Variants in CCDC3 observed in about 807,000 individuals in gnomAD.
CCDC3 encodes coiled-coil domain-containing protein 3.
In CCDC3, 24 loss-of-function variants were observed where a neutral mutation model predicts 21.4. The observed-to-expected ratio is 1.12, with a 90% CI of 0.81 to 1.58. The LOEUF is 1.58. Among genes scored for constraint, CCDC3 ranks in the 40% most tolerant of loss-of-function variants. The pLI, the probability that CCDC3 is intolerant of heterozygous loss-of-function variation, is 0.00. For missense variants in CCDC3, 425 were observed against 360.9 expected, an observed-to-expected ratio of 1.18 and a Z score of -1.44; for synonymous variants, 186 against 166.0, an observed-to-expected ratio of 1.12 and a Z score of -0.93.
chr10:12,968,266 T>C (rs1036109577), intron 2 of CCDC3, among the ~76,000 whole-genome samples: 1 of 147,810 alleles, frequency 6.8e-6, no homozygotes, highest in African/African-American at 2.5e-5. Context: ...GAAAACAATA[T>C]ATAAAGAAGT....
chr10:13,064,965 G>T (rs936682129), intron 4 of CCDC3, among the ~76,000 whole-genome samples: 1 of 152,050 alleles, frequency 6.6e-6, no homozygotes, highest in Non-Finnish European at 1.5e-5. Context: ...GGTGAGCAGA[G>T]GGATGACTTT....
upstream of CCDC3, among the ~76,000 whole-genome samples, chr10:13,004,144 A>G (rs1242659189): frequency 6.6e-6 from 1 of 152,160 alleles, no homozygotes; most frequent in Non-Finnish European, 1.5e-5. Flanking sequence ...CGAGACCTAT[A>G]TGTCCTGGCT....
chr10:12,904,198 G>A (rs979899808), intron 2 of CCDC3, among the ~76,000 whole-genome samples: 61 of 152,218 alleles, frequency 4.0e-4, no homozygotes, highest in African/African-American at 1.4e-3. Context: ...CGGGCATGGT[G>A]GCTCTCGCCT....
chr10:12,907,935 G>A (rs1224866908), intron 2 of CCDC3, among the ~76,000 whole-genome samples: 2 of 152,202 alleles, frequency 1.3e-5, no homozygotes, highest in African/African-American at 2.4e-5. Context: ...CTGGGGCCAG[G>A]GCCAGCCCTG....
intron 3 of CCDC3, among the ~76,000 whole-genome samples, chr10:13,076,027 A>C (rs1213366359): frequency 6.6e-6 from 1 of 152,186 alleles, no homozygotes; most frequent in African/African-American, 2.4e-5. Context: ...GTGCCAGTGC[A>C]CTCCAGCCTG....
chr10:13,059,179 C>A (rs778198595), intron 4 of CCDC3, among the ~76,000 whole-genome samples: 53 of 152,294 alleles, frequency 3.5e-4, no homozygotes, highest in Non-Finnish European at 6.9e-4. Context: ...CTTCTGCATC[C>A]TCTTTTCTGT....
At chr10:13,071,509 C>G (rs1467386208) in intron 4 of CCDC3, among the ~76,000 whole-genome samples, 1 of 152,162 alleles carries the variant, frequency 6.6e-6, no homozygotes, top group Non-Finnish European at 1.5e-5. Context: ...TAAATGAGGT[C>G]TAGGGAATTC....
chr10:12,942,124 G>A (rs369475829), intron 2 of CCDC3, among the ~76,000 whole-genome samples: 5 of 152,064 alleles, frequency 3.3e-5, no homozygotes, highest in African/African-American at 1.2e-4. Context: ...CTAGCCCTTT[G>A]ACATGGAAAT....
At chr10:12,932,093 T>C (rs1406286402) in intron 2 of CCDC3, among the ~76,000 whole-genome samples, 1 of 152,242 alleles carries the variant, frequency 6.6e-6, no homozygotes, top group South Asian at 2.1e-4. Flanking sequence ...CTTTAATATC[T>C]TTCTTCAGAG....
intron 2 of CCDC3, among the ~76,000 whole-genome samples, chr10:12,921,683 A>T (rs1046904011): frequency 1.3e-5 from 2 of 152,042 alleles, no homozygotes; most frequent in African/African-American, 2.4e-5. Flanking sequence ...CACAACTATA[A>T]TTTTTTTTGC....
chr10:13,077,193 C>T (rs556632109), intron 3 of CCDC3, among the ~76,000 whole-genome samples: 3 of 152,294 alleles, frequency 2.0e-5, no homozygotes, highest in Admixed American at 6.5e-5. Context: ...GCAAAAATCA[C>T]AAGCATTCCT....
At chr10:12,967,710 A>C (rs1835281493) in intron 2 of CCDC3, among the ~76,000 whole-genome samples, 1 of 152,166 alleles carries the variant, frequency 6.6e-6, no homozygotes, top group Admixed American at 6.5e-5. Flanking sequence ...TACAGGAATT[A>C]AGGGAAAAAA....
chr10:12,976,332 G>A (rs1835417460), intron 2 of CCDC3, among the ~76,000 whole-genome samples: 1 of 152,190 alleles, frequency 6.6e-6, no homozygotes, highest in African/African-American at 2.4e-5. Flanking sequence ...AGCATCTACT[G>A]AGCAATTACT....
chr10:12,983,316 T>C (rs1369838854), intron 2 of CCDC3, among the ~76,000 whole-genome samples: 2 of 151,454 alleles, frequency 1.3e-5, no homozygotes, highest in Non-Finnish European at 2.9e-5. Flanking sequence ...CTCATGCCTG[T>C]AATCCCAGCA....
chr10:13,056,429 C>G (rs1264896799), intron 4 of CCDC3, among the ~76,000 whole-genome samples: 1 of 148,038 alleles, frequency 6.8e-6, no homozygotes, highest in Non-Finnish European at 1.5e-5. Flanking sequence ...GAAGCAAGTT[C>G]GTGATGGACT....
At chr10:12,980,942 A>C (rs1019149625) in intron 2 of CCDC3, among the ~76,000 whole-genome samples, 17 of 152,192 alleles carry the variant, frequency 1.1e-4, no homozygotes, top group Admixed American at 6.5e-5. Context: ...ACATTGCCAT[A>C]ATCATGACCC....
At chr10:13,082,735 C>A (rs191797503) in intron 3 of CCDC3, among the ~76,000 whole-genome samples, 2 of 152,226 alleles carry the variant, frequency 1.3e-5, no homozygotes, top group African/African-American at 4.8e-5. Context: ...CCTATCCGGG[C>A]GTGACAGAGG....
intron 5 of CCDC3, among the ~76,000 whole-genome samples, chr10:13,012,214 G>T (rs1835992752): frequency 6.6e-6 from 1 of 151,888 alleles, no homozygotes; most frequent in East Asian, 1.9e-4. Context: ...TAACTAAAGA[G>T]CTTCTGCAAA....
intron 2 of CCDC3, among the ~76,000 whole-genome samples, chr10:12,904,108 T>C (rs753220836): frequency 1.3e-5 from 2 of 152,086 alleles, no homozygotes; most frequent in Non-Finnish European, 2.9e-5. Flanking sequence ...GAGTATTTCA[T>C]GGGAGCTGGA....
Sources: allele counts gnomAD v4.1 joint callset (sites outside exome capture counted in the v4.1 genomes callset), GRCh38; gene constraint gnomAD v4.1.1; transcripts MANE v1.5; gene names NCBI Gene and HGNC (gene_info 2026-07-23, HGNC 2026-07-21).